Variants in DLG2 observed in about 807,000 individuals in gnomAD.
DLG2 encodes the protein disks large homolog 2.
DLG2 carries 45 observed loss-of-function variants against 132.5 expected under a neutral mutation model. The observed-to-expected ratio is 0.34, with a 90% CI of 0.27 to 0.44. DLG2 has a LOEUF of 0.44. Among genes scored for constraint, DLG2 ranks in the 20% least tolerant of loss-of-function variants. DLG2 has a pLI of 1.00. For synonymous variants in DLG2, 424 were observed against 419.6 expected, an observed-to-expected ratio of 1.01 and a Z score of -0.13; for missense variants, 1,045 against 1,196.9, an observed-to-expected ratio of 0.87 and a Z score of 1.87.
At chr11:83,904,556 A>G (rs2074250809) in intron 15 of DLG2, among the ~76,000 whole-genome samples, 1 of 152,206 alleles carries the variant, frequency 6.6e-6, no homozygotes, top group African/African-American at 2.4e-5. Context: ...TGCTAGCAGA[A>G]GCACTGACTG....
intron 22 of DLG2, chr11:83,480,324 A>C: frequency 5.6e-6 from 8 of 1,426,238 alleles, no homozygotes; most frequent in Non-Finnish European, 7.6e-6. Flanking sequence ...ACCACAGGCA[A>C]TGGGGCAATT....
At chr11:84,450,128 G>A (rs530345049) in intron 7 of DLG2, among the ~76,000 whole-genome samples, 5 of 151,846 alleles carry the variant, frequency 3.3e-5, no homozygotes, top group African/African-American at 1.2e-4. Context: ...CTTATTCAAG[G>A]TCATTTGCCT....
At chr11:83,741,977 G>A (rs1566783668) in intron 18 of DLG2, among the ~76,000 whole-genome samples, 1 of 152,142 alleles carries the variant, frequency 6.6e-6, no homozygotes, top group Non-Finnish European at 1.5e-5. Flanking sequence ...AACTCACACT[G>A]TATTTTGGAA....
chr11:84,413,796 C>T (rs1334662292), intron 7 of DLG2, among the ~76,000 whole-genome samples: 2 of 152,172 alleles, frequency 1.3e-5, no homozygotes, highest in African/African-American at 4.8e-5. Flanking sequence ...CTGCACTTAT[C>T]CATCCTTCTC....
chr11:83,649,858 T>C lies in DLG2; in HGVS notation c.1826-16533A>G, dbSNP rs144553120. ...TTTCCTCCATGATTTCTATAGATAT[T>C]CCTTAATTTTCAAGTCTCCATTAGC... On this transcript the variant is annotated intron_variant, in intron 18 of 27. Transcript: ENST00000376104. Among the ~76,000 whole-genome samples, 336 of 152,290 alleles carry C rather than the reference T, an allele frequency of 2.2e-3. 3 individuals are homozygous for C. The highest frequency in any genetic ancestry group is 7.6e-3 in the African/African-American group (315 of 41,562).
intron 10 of DLG2, among the ~76,000 whole-genome samples, chr11:84,068,039 G>C (rs542308945): frequency 2.0e-5 from 3 of 152,250 alleles, no homozygotes; most frequent in East Asian, 1.9e-4. Flanking sequence ...GAAACCATGA[G>C]ACTCAGAGGT....
intron 9 of DLG2, among the ~76,000 whole-genome samples, chr11:84,140,143 G>T (rs2094779685): frequency 6.6e-6 from 1 of 152,038 alleles, no homozygotes; most frequent in African/African-American, 2.4e-5. Flanking sequence ...GAGATAATGG[G>T]AAAGGAATCA....
At chr11:83,802,699 T>A (rs1193062899) in intron 17 of DLG2, among the ~76,000 whole-genome samples, 2 of 152,132 alleles carry the variant, frequency 1.3e-5, no homozygotes, top group African/African-American at 2.4e-5. Context: ...AGCATACATG[T>A]CTAATATTTT....
intron 25 of DLG2, 50 bp downstream of exon 25, chr11:83,469,151 C>A: frequency 8.7e-6 from 12 of 1,378,734 alleles, no homozygotes; most frequent in South Asian, 1.7e-5. Flanking sequence ...ATGCAGTTTG[C>A]AACCTAGAAA....
chr11:85,423,893 A>T (rs1597207538), intron 3 of DLG2, among the ~76,000 whole-genome samples: 2 of 151,726 alleles, frequency 1.3e-5, no homozygotes, highest in East Asian at 3.9e-4. Flanking sequence ...TTCTTCCCCC[A>T]CCTACGGAGT....
At chr11:84,150,340 T>C (rs1212831469) in intron 9 of DLG2, among the ~76,000 whole-genome samples, 5 of 152,134 alleles carry the variant, frequency 3.3e-5, no homozygotes, top group Non-Finnish European at 2.9e-5. Context: ...CTGCTGTAAA[T>C]AGGATTGCAT....
rs1203171458 is a variant in DLG2, at chr11:83,469,210, T to C, written c.2610A>G (p.Val870=). The change falls in exon 25 of 28, where the codon GTA becomes GTG. Residue 870 remains valine, a synonymous_variant. Coordinates refer to ENST00000376104, the MANE Select transcript of DLG2 (RefSeq NM_001142699.3). ...YGTSVQSVRF[V]AERGKHCILD... Reference sequence around the variant, plus strand: ...AGATTGGTGAACATACTCTTTCTGCTACAAATCTCACAGACTGCACACTGG... The same window carrying C: ...AGATTGGTGAACATACTCTTTCTGCCACAAATCTCACAGACTGCACACTGG... 1.2e-6 allele frequency: 2 copies of C among 1,606,466 alleles called. No homozygotes were observed. The highest frequency in any genetic ancestry group is 1.7e-6 in the Non-Finnish European group (2 of 1,176,764).
chr11:85,598,554 C>G, intron 3 of DLG2, 103 bp downstream of exon 3: 1 of 723,644 alleles, frequency 1.4e-6, no homozygotes. Context: ...GAAAATTATC[C>G]CAGTTTGAAA....
intron 6 of DLG2, among the ~76,000 whole-genome samples, chr11:85,051,463 A>T (rs569090441): frequency 6.6e-6 from 1 of 152,320 alleles, no homozygotes; most frequent in Admixed American, 6.5e-5. Flanking sequence ...CACTCATTCT[A>T]CAAGTTGTAT....
rs187089214 is a variant in DLG2, at chr11:84,412,020, G to A, written c.519+122550C>T. On this transcript the variant is annotated intron_variant, in intron 7 of 27. Transcript: ENST00000376104. The stretch of plus-strand genomic sequence containing the variant: ...ACACTATTGACATACAGATGGAAAT[G>A]CCATAATGGAGGAGTGTGCGAACCC... Among the ~76,000 whole-genome samples the A allele has an allele frequency of 7.3e-5, 11 of 151,666 alleles. No individual in the cohort carries two copies. In the East Asian group the frequency reaches 2.2e-3, roughly 30 times the overall value.
chr11:83,960,140 C>T (rs1029790977), intron 14 of DLG2, among the ~76,000 whole-genome samples: 1 of 151,990 alleles, frequency 6.6e-6, no homozygotes, highest in Non-Finnish European at 1.5e-5. Context: ...AAATGCCCTT[C>T]CTCATCTCTT....
intron 22 of DLG2, among the ~76,000 whole-genome samples, chr11:83,481,526 A>AC (rs1022132964): frequency 3.9e-5 from 6 of 152,146 alleles, no homozygotes; most frequent in Middle Eastern, 3.2e-3. Context: ...TTGATATCAT[A>AC]CATTCTTGCC....
At chr11:83,898,475 A>G (rs1472908558) in intron 15 of DLG2, among the ~76,000 whole-genome samples, 1 of 152,106 alleles carries the variant, frequency 6.6e-6, no homozygotes, top group Non-Finnish European at 1.5e-5. Flanking sequence ...ATTTACTAAT[A>G]AGGCTATTGA....
At chr11:85,028,578 G>C (rs2060742743) in intron 6 of DLG2, among the ~76,000 whole-genome samples, 2 of 152,174 alleles carry the variant, frequency 1.3e-5, no homozygotes, top group Admixed American at 1.3e-4. Context: ...GGGGGCTGAG[G>C]GGGCAGAGGG....
Sources: gnomAD v4.1 joint callset for allele counts (sites outside exome capture counted in the v4.1 genomes callset) on GRCh38, gnomAD v4.1.1 for gene constraint, MANE v1.5 for transcripts, NCBI Gene and HGNC (gene_info 2026-07-23, HGNC 2026-07-21) for gene names.